GRID2: variants seen among roughly 807,000 people sequenced by gnomAD.
The protein encoded by GRID2 is glutamate ionotropic receptor delta type subunit 2.
Under a neutral mutation model 114.8 loss-of-function variants are expected in GRID2, and 33 were observed. That is an observed-to-expected ratio of 0.29 (90% CI 0.22 to 0.38). The LOEUF (loss-of-function observed/expected upper bound fraction) is 0.38, where lower values mean the gene tolerates loss of function less well. Ranked by LOEUF, GRID2 falls within the 10% of genes least tolerant of loss-of-function variation. GRID2 has a pLI of 1.00. For missense variants in GRID2, 1,184 were observed against 1,257.7 expected, an observed-to-expected ratio of 0.94 and a Z score of 0.89; for synonymous variants, 505 against 449.9, an observed-to-expected ratio of 1.12 and a Z score of -1.55.
intron 2 of GRID2, among the ~76,000 whole-genome samples, chr4:93,060,494 G>A (rs567395273): frequency 7.2e-5 from 11 of 152,168 alleles, no homozygotes; most frequent in African/African-American, 2.2e-4. Context: ...TTAAATGCTA[G>A]TATCAGCTTC....
intron 14 of GRID2, among the ~76,000 whole-genome samples, chr4:93,698,917 C>T (rs1002516523): frequency 5.9e-5 from 9 of 151,992 alleles, no homozygotes; most frequent in African/African-American, 2.2e-4. Context: ...TGAGATAATT[C>T]CTCTGTCTTC....
At chr4:93,306,783 G>A (rs59807691) in intron 8 of GRID2, among the ~76,000 whole-genome samples, 5,483 of 152,196 alleles carry the variant, frequency 0.036, 354 homozygotes, top group African/African-American at 0.12. Flanking sequence ...CCTTTTGGGC[G>A]TTCTTGTTCT....
chr4:92,832,028 A>G (rs112750752), intron 2 of GRID2, among the ~76,000 whole-genome samples: 1 of 152,328 alleles, frequency 6.6e-6, no homozygotes, highest in South Asian at 2.1e-4. Flanking sequence ...TGTAATAACT[A>G]GTAATATTGG....
chr4:93,678,797 C>A (rs903410396), intron 14 of GRID2, among the ~76,000 whole-genome samples: 25 of 151,258 alleles, frequency 1.7e-4, no homozygotes, highest in Non-Finnish European at 2.9e-4. Context: ...TGGAAAGGAA[C>A]AATCAGTACC....
At chr4:93,023,131 ATGTG>A (rs57903930) in intron 2 of GRID2, among the ~76,000 whole-genome samples, 2 of 138,864 alleles carry the variant, frequency 1.4e-5, no homozygotes, top group Non-Finnish European at 3.2e-5. Context: ...GTGTGTATGT[ATGTG>A]TGTGTGTGTG....
intron 2 of GRID2, among the ~76,000 whole-genome samples, chr4:92,891,461 T>G (rs1346610341): frequency 6.6e-6 from 1 of 152,298 alleles, no homozygotes; most frequent in South Asian, 2.1e-4. Context: ...CAAGGTTGTT[T>G]ATCTGTTCTC....
chr4:92,829,922 G>C (rs966719946), intron 2 of GRID2, among the ~76,000 whole-genome samples: 2 of 151,826 alleles, frequency 1.3e-5, no homozygotes, highest in African/African-American at 4.9e-5. Flanking sequence ...TCACACACGA[G>C]GGCCTGTCAG....
At chr4:92,902,284 G>A (rs1016428206) in intron 2 of GRID2, among the ~76,000 whole-genome samples, 1 of 151,964 alleles carries the variant, frequency 6.6e-6, no homozygotes, top group African/African-American at 2.4e-5. Context: ...AGTATCAGTT[G>A]TAATGTCTTC....
At chr4:93,541,716 G>T (rs917987439) in intron 13 of GRID2, among the ~76,000 whole-genome samples, 1 of 152,126 alleles carries the variant, frequency 6.6e-6, no homozygotes, top group Non-Finnish European at 1.5e-5. Context: ...TTTGGGAGTT[G>T]CTCTATACAA....
intron 4 of GRID2, among the ~76,000 whole-genome samples, chr4:93,148,519 G>A (rs2149394282): frequency 6.6e-6 from 1 of 152,076 alleles, no homozygotes; most frequent in East Asian, 1.9e-4. Context: ...TGTATTTTAT[G>A]GCAGTAAATT....
At chr4:93,541,651 T>G (rs1306732398) in intron 13 of GRID2, among the ~76,000 whole-genome samples, 3 of 152,206 alleles carry the variant, frequency 2.0e-5, no homozygotes, top group African/African-American at 7.2e-5. Flanking sequence ...GGCAGCCTTG[T>G]GAGCTGTGTC....
At chr4:92,532,723 G>A (rs970346033) in intron 1 of GRID2, among the ~76,000 whole-genome samples, 2 of 152,176 alleles carry the variant, frequency 1.3e-5, no homozygotes, top group African/African-American at 2.4e-5. Context: ...TCATGTAAAT[G>A]TAATATGTTT....
chr4:92,467,908 G>A (rs1032316033), intron 1 of GRID2, among the ~76,000 whole-genome samples: 4 of 151,908 alleles, frequency 2.6e-5, no homozygotes, highest in Non-Finnish European at 4.4e-5. Flanking sequence ...GTATGCCTTG[G>A]AAATGAGTGA....
chr4:93,256,838 T>C (rs375546369), intron 8 of GRID2, among the ~76,000 whole-genome samples: 132 of 152,036 alleles, frequency 8.7e-4, no homozygotes, highest in African/African-American at 3.0e-3. Context: ...TATAGTTTTG[T>C]GACAGACATA....
chr4:92,754,019 A>G (rs188883621), intron 2 of GRID2, among the ~76,000 whole-genome samples: 1 of 152,346 alleles, frequency 6.6e-6, no homozygotes, highest in Admixed American at 6.5e-5. Context: ...TTCCAAAACA[A>G]CAACATAAAC....
At chr4:93,405,575 G>T (rs1278501296) in intron 9 of GRID2, among the ~76,000 whole-genome samples, 8 of 152,132 alleles carry the variant, frequency 5.3e-5, no homozygotes, top group African/African-American at 1.9e-4. Flanking sequence ...TTTAGAAAGA[G>T]ATTGACAGAG....
intron 13 of GRID2, among the ~76,000 whole-genome samples, chr4:93,561,464 T>G (rs1734920947): frequency 6.6e-6 from 1 of 152,092 alleles, no homozygotes; most frequent in South Asian, 2.1e-4. Context: ...TAAACATGTA[T>G]AGCCTCCCTT....
chr4:93,408,264 C>T (rs887326524), intron 9 of GRID2, among the ~76,000 whole-genome samples: 2 of 152,216 alleles, frequency 1.3e-5, no homozygotes, highest in South Asian at 2.1e-4. Context: ...CTTCGATACA[C>T]GTCTCAGGAA....
At chr4:92,799,110 C>T (rs951692254) in intron 2 of GRID2, among the ~76,000 whole-genome samples, 56 of 152,000 alleles carry the variant, frequency 3.7e-4, no homozygotes, top group African/African-American at 1.2e-3. Context: ...ACATACTCAC[C>T]ATAATGTAGA....
Sources: allele counts gnomAD v4.1 joint callset (sites outside exome capture counted in the v4.1 genomes callset), GRCh38; gene constraint gnomAD v4.1.1; transcripts MANE v1.5; gene names NCBI Gene and HGNC (gene_info 2026-07-23, HGNC 2026-07-21).